PDGFC: variants seen among roughly 807,000 people sequenced by gnomAD.
The protein encoded by PDGFC is platelet derived growth factor C, also known as platelet-derived growth factor C.
PDGFC carries 12 observed loss-of-function variants against 35.5 expected under a neutral mutation model. The ratio of observed to expected loss-of-function variants is 0.34; its 90% CI spans 0.22 to 0.55. The LOEUF is 0.55. PDGFC is among the 20% of genes least tolerant of loss of function. The pLI is 0.91. For synonymous variants in PDGFC, 159 were observed against 148.8 expected (o/e 1.07, Z -0.50); for missense variants, 322 against 412.4 (o/e 0.78, Z 1.90).
intron 1 of PDGFC, among the ~76,000 whole-genome samples, chr4:156,906,957 T>C (rs917201333): frequency 6.6e-6 from 1 of 152,184 alleles, no homozygotes; most frequent in African/African-American, 2.4e-5. Context: ...TGAACTAACA[T>C]GGATGCAGCC....
At chr4:156,778,958 C>A in intron 3 of PDGFC, 2 of 283,276 alleles carry the variant, frequency 7.1e-6, no homozygotes, top group Non-Finnish European at 1.4e-5. Flanking sequence ...AAAAATAAAA[C>A]AATATTATAA....
intron 1 of PDGFC, among the ~76,000 whole-genome samples, chr4:156,859,441 A>G (rs1729657487): frequency 1.3e-5 from 2 of 152,156 alleles, no homozygotes; most frequent in East Asian, 1.9e-4. Flanking sequence ...AAGTGTTTAC[A>G]ATTGCATACA....
intron 1 of PDGFC, among the ~76,000 whole-genome samples, chr4:156,871,314 T>TC (rs894375788): frequency 3.8e-4 from 57 of 151,570 alleles, no homozygotes; most frequent in African/African-American, 1.2e-3. Flanking sequence ...GATTTATTTT[T>TC]CCCCCCCTGG....
intron 1 of PDGFC, among the ~76,000 whole-genome samples, chr4:156,920,991 T>C (rs943750126): frequency 1.3e-5 from 2 of 152,144 alleles, no homozygotes; most frequent in African/African-American, 2.4e-5. Flanking sequence ...AAATGGATTG[T>C]TAACTGAGAA....
chr4:156,826,301 T>C (rs1732476884), intron 2 of PDGFC, among the ~76,000 whole-genome samples: 1 of 143,300 alleles, frequency 7.0e-6, no homozygotes, highest in Non-Finnish European at 1.5e-5. Flanking sequence ...CAAGCGATTC[T>C]CCTGCCTCAG....
intron 1 of PDGFC, among the ~76,000 whole-genome samples, chr4:156,856,500 G>A (rs1278551513): frequency 6.6e-6 from 1 of 152,034 alleles, no homozygotes; most frequent in Admixed American, 6.6e-5. Context: ...ACCTCTTTTG[G>A]AAGGCAATAG....
At chr4:156,763,556 G>C (rs3815862) in intron 5 of PDGFC, among the ~76,000 whole-genome samples, 2 of 151,846 alleles carry the variant, frequency 1.3e-5, no homozygotes, top group African/African-American at 4.8e-5. Flanking sequence ...TATAAAATTC[G>C]TTTTTCTGTT....
intron 3 of PDGFC, among the ~76,000 whole-genome samples, chr4:156,799,937 T>G (rs2110910640): frequency 6.6e-6 from 1 of 152,278 alleles, no homozygotes; most frequent in East Asian, 1.9e-4. Flanking sequence ...TTTTCAAAGT[T>G]ACCAAAGTAT....
chr4:156,834,793 C>A (rs1729023786), intron 2 of PDGFC, among the ~76,000 whole-genome samples: 1 of 152,006 alleles, frequency 6.6e-6, no homozygotes, highest in Non-Finnish European at 1.5e-5. Flanking sequence ...TTTCAAAATG[C>A]ATTATGGGTA....
rs148207113 is a variant in PDGFC at position 156,866,867 on chromosome 4, A to C, written c.119-16451T>G. On this transcript the variant is annotated intron_variant, in intron 1 of 5. Transcript: ENST00000502773. The stretch of plus-strand genomic sequence containing the variant: ...TTAGTGAGCACAGTACAGTAAATGC[A>C]TGGTAAAATGGTATACAGTGAATGC... Among the ~76,000 whole-genome samples, 58 of 152,302 alleles carry C rather than the reference A, an allele frequency of 3.8e-4. 1 individual carries two copies. The East Asian group carries it at 0.011, about 28-fold the overall frequency.
chr4:156,892,429 GT>G (rs755495484), intron 1 of PDGFC, among the ~76,000 whole-genome samples: 2 of 151,976 alleles, frequency 1.3e-5, no homozygotes, highest in Non-Finnish European at 2.9e-5. Context: ...ATTTATTTTT[GT>G]TGTTGCCACT....
At chr4:156,856,939 T>G (rs1421154628) in intron 1 of PDGFC, among the ~76,000 whole-genome samples, 1 of 152,084 alleles carries the variant, frequency 6.6e-6, no homozygotes, top group Non-Finnish European at 1.5e-5. Flanking sequence ...ACCTACTTAT[T>G]TTGAAAATAG....
chr4:156,846,366 TTA>T, intron 2 of PDGFC, among the ~76,000 whole-genome samples: 1 of 151,810 alleles, frequency 6.6e-6, no homozygotes, highest in African/African-American at 2.4e-5. Context: ...CAGGACCTAA[TTA>T]TGAAGAAATA....
intron 1 of PDGFC, among the ~76,000 whole-genome samples, chr4:156,898,479 A>G (rs1473482807): frequency 6.6e-6 from 1 of 152,190 alleles, no homozygotes; most frequent in Non-Finnish European, 1.5e-5. Flanking sequence ...CAAGCCTTCC[A>G]GATCTATCCT....
chr4:156,928,868 G>C (rs1050348964), intron 1 of PDGFC, among the ~76,000 whole-genome samples: 1 of 152,160 alleles, frequency 6.6e-6, no homozygotes, highest in Admixed American at 6.6e-5. Context: ...GTTACTGAAG[G>C]ACTGTTTATC....
At chr4:156,826,345 G>A (rs951186517) in intron 2 of PDGFC, among the ~76,000 whole-genome samples, 1 of 151,622 alleles carries the variant, frequency 6.6e-6, no homozygotes, top group East Asian at 1.9e-4. Flanking sequence ...TGGGATGACA[G>A]GCACCTGCCA....
chr4:156,851,884 T>G (rs1579055398), intron 1 of PDGFC, among the ~76,000 whole-genome samples: 1 of 120,532 alleles, frequency 8.3e-6, no homozygotes, highest in African/African-American at 3.3e-5. Context: ...TGAGGGGAGA[T>G]CCCGCCACTG....
At chr4:156,901,875 G>T (rs746537562) in intron 1 of PDGFC, among the ~76,000 whole-genome samples, 2 of 152,110 alleles carry the variant, frequency 1.3e-5, no homozygotes, top group African/African-American at 4.8e-5. Context: ...GCCTCCCAAA[G>T]TTCTGGAATT....
At chr4:156,832,201 A>G (rs889276514) in intron 2 of PDGFC, among the ~76,000 whole-genome samples, 1 of 146,566 alleles carries the variant, frequency 6.8e-6, no homozygotes, top group East Asian at 2.0e-4. Context: ...TTCAAGGCTT[A>G]TCTTCCTTAA....
Sources: gnomAD v4.1 joint callset for allele counts (sites outside exome capture counted in the v4.1 genomes callset) on GRCh38, gnomAD v4.1.1 for gene constraint, MANE v1.5 for transcripts, NCBI Gene and HGNC (gene_info 2026-07-23, HGNC 2026-07-21) for gene names.